Variants in STK32A observed in about 807,000 individuals in gnomAD.
The protein encoded by STK32A is serine/threonine kinase 32A.
STK32A carries 41 observed loss-of-function variants against 53.2 expected under a neutral mutation model. The observed-to-expected ratio is 0.77, with a 90% CI of 0.60 to 1.00. STK32A has a LOEUF of 1.00. Ranked by LOEUF, STK32A falls within the 50% of genes least tolerant of loss-of-function variation. The pLI is 0.00. For missense variants in STK32A, 458 were observed against 485.8 expected (o/e 0.94, Z 0.54); for synonymous variants, 166 against 162.8 (o/e 1.02, Z -0.15).
chr5:147,268,477 A>C (rs1288979731), intron 2 of STK32A, among the ~76,000 whole-genome samples: 3 of 152,220 alleles, frequency 2.0e-5, no homozygotes, highest in African/African-American at 7.2e-5. Context: ...AAATTAAATT[A>C]TCAGAAGGAT....
chr5:147,373,273 C>T lies in STK32A; in HGVS notation c.882C>T (p.Leu294=), dbSNP rs546909467. ...INWDAVFQKR[L]IPGFIPNKGR... Reference sequence around the variant, plus strand: ...GGGATGCAGTTTTTCAGAAGAGGCTCATTCCAGGTTTCATTCCTAATGTGA... The same window carrying T: ...GGGATGCAGTTTTTCAGAAGAGGCTTATTCCAGGTTTCATTCCTAATGTGA... The change falls in exon 10 of 13, where the codon CTC becomes CTT. Residue 294 remains leucine, a synonymous_variant. Transcript: ENST00000397936. 31 of 1,613,368 alleles carry T rather than the reference C, an allele frequency of 1.9e-5. No homozygotes were observed. In the South Asian group the frequency reaches 2.9e-4, roughly 15 times the overall value.
At chr5:147,310,034 AT>A (rs1411797190) in intron 4 of STK32A, among the ~76,000 whole-genome samples, 12 of 152,240 alleles carry the variant, frequency 7.9e-5, no homozygotes, top group Admixed American at 5.9e-4. Flanking sequence ...AAATTAAAAT[AT>A]TTTAGTAAAA....
At chr5:147,397,603 T>C in the STK32A span, 8 of 1,535,172 alleles carry the variant, frequency 5.2e-6, no homozygotes, top group South Asian at 1.2e-5. Context: ...TCATGGTTAC[T>C]ATCTCTGAGC....
intron 2 of STK32A, among the ~76,000 whole-genome samples, chr5:147,245,611 T>C (rs1026784596): frequency 6.6e-6 from 1 of 152,164 alleles, no homozygotes; most frequent in Non-Finnish European, 1.5e-5. Context: ...TTATGAGTAA[T>C]ATGTGTATCC....
At chr5:147,367,219 C>G (rs1332851522) in intron 8 of STK32A, among the ~76,000 whole-genome samples, 2 of 151,980 alleles carry the variant, frequency 1.3e-5, no homozygotes, top group African/African-American at 2.4e-5. Flanking sequence ...GCATATGCCA[C>G]CATGCCTGGA....
the STK32A span, chr5:147,397,944 C>G: frequency 8.0e-7 from 1 of 1,246,112 alleles, no homozygotes; most frequent in South Asian, 1.8e-5. Context: ...TGCTGATTCA[C>G]CAGGTAAGCC....
chr5:147,382,568 C>T (rs1006776083), intron 11 of STK32A, among the ~76,000 whole-genome samples: 3 of 151,886 alleles, frequency 2.0e-5, no homozygotes, highest in Non-Finnish European at 4.4e-5. Context: ...CAGATTTCTC[C>T]CATCCCCAGG....
intron 4 of STK32A, among the ~76,000 whole-genome samples, chr5:147,282,459 TA>T (rs1752110800): frequency 6.6e-6 from 1 of 152,168 alleles, no homozygotes; most frequent in African/African-American, 2.4e-5. Context: ...ACATTGAATG[TA>T]AATGGCCTAA....
intron 4 of STK32A, among the ~76,000 whole-genome samples, chr5:147,312,086 G>A (rs1753727648): frequency 6.6e-6 from 1 of 151,784 alleles, no homozygotes; most frequent in Admixed American, 6.6e-5. Flanking sequence ...TTGCTAAAAT[G>A]GAAGTTTTAA....
chr5:147,308,754 T>C (rs975548424), intron 4 of STK32A, among the ~76,000 whole-genome samples: 3 of 151,298 alleles, frequency 2.0e-5, no homozygotes, highest in African/African-American at 7.3e-5. Flanking sequence ...CATGAATGAG[T>C]ACAATATTTT....
At chr5:147,312,746 G>A (rs1012144466) in intron 4 of STK32A, among the ~76,000 whole-genome samples, 8 of 152,158 alleles carry the variant, frequency 5.3e-5, no homozygotes, top group South Asian at 2.1e-4. Context: ...GAGAGAAAGC[G>A]CTGAAATAGG....
rs547485224 is a variant in STK32A, at chr5:147,370,312, G to A, written c.661-342G>A. ...TTATTGAGGACTTGTCCAGTATTTC[G>A]TGTTAATACTTATATAATACCTTAT... On this transcript the variant is annotated intron_variant, in intron 8 of 12. Transcript: ENST00000397936. Among the ~76,000 whole-genome samples the A allele has an allele frequency of 8.5e-5, 13 of 152,186 alleles. No individual in the cohort carries two copies. The South Asian group carries it at 1.5e-3, about 17-fold the overall frequency.
intron 4 of STK32A, among the ~76,000 whole-genome samples, chr5:147,306,181 A>G (rs1753397893): frequency 6.6e-6 from 1 of 151,784 alleles, no homozygotes; most frequent in African/African-American, 2.4e-5. Context: ...CTGTGGTTTT[A>G]ATTTGCATTT....
chr5:147,276,364 G>A (rs376136918), intron 2 of STK32A, among the ~76,000 whole-genome samples: 3 of 152,050 alleles, frequency 2.0e-5, no homozygotes, highest in Non-Finnish European at 2.9e-5. Context: ...TACATTTGAG[G>A]CATTTCTGGT....
rs1425141245 is a variant in STK32A at position 147,387,564 on chromosome 5, GA to G, written c.*3585del. The stretch of plus-strand genomic sequence containing the variant: ...GGCTTTAGCTCTTCAAAAGCAGAAT[GA>G]AAAGGCACAAAAAGCACTTCAAGCT... On this transcript the variant is annotated 3_prime_UTR_variant, in exon 13 of 13. Coordinates refer to ENST00000397936, the MANE Select transcript of STK32A (RefSeq NM_001112724.2). 6.6e-6 allele frequency: 1 copy of G among 152,206 alleles called. No homozygotes were observed. The highest frequency in any genetic ancestry group is 6.5e-5 in the Admixed American group (1 of 15,274). 9.4% of individuals were successfully genotyped at this position (152,206 alleles called of 1,614,324 possible).
intron 8 of STK32A, among the ~76,000 whole-genome samples, chr5:147,363,121 A>AAAAC (rs59968763): frequency 6.6e-6 from 1 of 151,724 alleles, no homozygotes; most frequent in Non-Finnish European, 1.5e-5. Context: ...CAAACAAAAA[A>AAAAC]CAAGCAAGTT....
rs1287265007 is a variant in STK32A, at chr5:147,243,251, G to A, written c.52+3565G>A. On this transcript the variant is annotated intron_variant, in intron 2 of 12. Coordinates refer to ENST00000397936, the MANE Select transcript of STK32A (RefSeq NM_001112724.2). The stretch of plus-strand genomic sequence containing the variant: ...AATGTTTCAAGAATTCTCTCTTATG[G>A]AAAAAGTGTTTTTGTTCACTTTGAA... Among the ~76,000 whole-genome samples the A allele has an allele frequency of 2.5e-5, 3 of 119,714 alleles. 1 individual carries two copies. The highest frequency in any genetic ancestry group is 9.3e-5 in the African/African-American group (3 of 32,372). 78.5% of individuals were successfully genotyped at this position (119,714 alleles called of 152,430 possible).
In STK32A at chr5:147,310,758, C is replaced by T. The variant is rs543887743; in HGVS notation, c.261-13140C>T. 3.3e-5 allele frequency among the ~76,000 whole-genome samples: 5 copies of T among 151,266 alleles called. No individual in the cohort carries two copies. In the East Asian group the frequency reaches 9.7e-4, roughly 29 times the overall value. ...TTATCATCTGAGCATGCCGTCTTGG[C>T]TTGCCCTTTTATATGGAGAGCAAAA... On this transcript the variant is annotated intron_variant, in intron 4 of 12. Transcript: ENST00000397936.
intron 7 of STK32A, among the ~76,000 whole-genome samples, chr5:147,360,533 G>A (rs2151997846): frequency 6.6e-6 from 1 of 151,220 alleles, no homozygotes; most frequent in Non-Finnish European, 1.5e-5. Flanking sequence ...TTGCCTTATT[G>A]TTCTGCTTTT....
Sources: allele counts gnomAD v4.1 joint callset (sites outside exome capture counted in the v4.1 genomes callset), GRCh38; gene constraint gnomAD v4.1.1; transcripts MANE v1.5; gene names NCBI Gene and HGNC (gene_info 2026-07-23, HGNC 2026-07-21).